WT1: variants seen among roughly 807,000 people sequenced by gnomAD.
WT1 encodes the protein WT1 transcription factor, also known as Wilms tumor protein.
A neutral mutation model predicts 60.8 loss-of-function variants in WT1; 8 were observed. That is an observed-to-expected ratio of 0.13 (90% CI 0.08 to 0.24). The LOEUF is 0.24. Ranked by LOEUF, WT1 falls within the 10% of genes least tolerant of loss-of-function variation. The pLI, the probability that WT1 is intolerant of heterozygous loss-of-function variation, is 1.00. For missense variants in WT1, 568 were observed against 711.8 expected (o/e 0.80, Z 2.30); for synonymous variants, 312 against 297.1 (o/e 1.05, Z -0.52).
At chr11:32,423,995 T>C (rs944076162) in intron 3 of WT1, among the ~76,000 whole-genome samples, 1 of 151,994 alleles carries the variant, frequency 6.6e-6, no homozygotes, top group African/African-American at 2.4e-5. Context: ...ACCCCCTCTC[T>C]ACTAAAAATA....
chr11:32,404,185 G>T (rs909706315), intron 5 of WT1, among the ~76,000 whole-genome samples: 1 of 148,454 alleles, frequency 6.7e-6, no homozygotes, highest in Admixed American at 6.8e-5. Context: ...CAGGAGAATC[G>T]CTTGAACCCG....
At chr11:32,434,232 C>T (rs1853407531) in intron 1 of WT1, among the ~76,000 whole-genome samples, 1 of 152,242 alleles carries the variant, frequency 6.6e-6, no homozygotes, top group Non-Finnish European at 1.5e-5. Context: ...TTTAGCGCTG[C>T]GGAGGCAGCA....
intron 6 of WT1, among the ~76,000 whole-genome samples, chr11:32,396,694 A>C (rs527255474): frequency 2.6e-5 from 4 of 152,182 alleles, no homozygotes; most frequent in Non-Finnish European, 4.4e-5. Context: ...CTGCAAAAGA[A>C]ATGCTGGTAC....
intron 5 of WT1, among the ~76,000 whole-genome samples, chr11:32,408,213 G>GGA (rs1554942037): frequency 9.3e-6 from 1 of 107,998 alleles, no homozygotes. Context: ...CTCCATCTCA[G>GGA]AAAAAAAAAA....
intron 5 of WT1, among the ~76,000 whole-genome samples, chr11:32,414,029 A>G (rs1295282421): frequency 6.6e-6 from 1 of 152,242 alleles, no homozygotes; most frequent in Non-Finnish European, 1.5e-5. Context: ...CTCACACGGC[A>G]CCCAATACTG....
At chr11:32,417,440 G>A in intron 4 of WT1, 137 bp downstream of exon 4, 1 of 774,694 alleles carries the variant, frequency 1.3e-6, no homozygotes, top group East Asian at 2.7e-5. Context: ...GGGGAAGGAG[G>A]AAAGCGTTCT....
Position 32,416,405 on chromosome 11 carries a change from G to A in WT1, c.1016+85C>T, listed in dbSNP as rs987592675. The A allele has an allele frequency of 1.3e-4, 208 of 1,552,048 alleles. 1 individual carries two copies. The highest frequency in any genetic ancestry group is 9.3e-4 in the South Asian group (84 of 89,870). On this transcript the variant is annotated intron_variant, in intron 5 of 9. Transcript: ENST00000452863. ...ACCAAATGCTACCCTGATTACCCAC[G>A]TCAGTCCTAACTCCTGCATTGCCCC...
At chr11:32,409,415 A>G (rs968596226) in intron 5 of WT1, among the ~76,000 whole-genome samples, 14 of 152,174 alleles carry the variant, frequency 9.2e-5, no homozygotes, top group African/African-American at 3.4e-4. Flanking sequence ...AAATATTTTC[A>G]TTACATATGA....
intron 5 of WT1, among the ~76,000 whole-genome samples, chr11:32,413,265 A>G (rs925158434): frequency 6.6e-6 from 1 of 152,242 alleles, no homozygotes; most frequent in Non-Finnish European, 1.5e-5. Context: ...CAACCTTGTC[A>G]CATGATTTTT....
chr11:32,401,742 G>T (rs1355372694), intron 5 of WT1, among the ~76,000 whole-genome samples: 5 of 152,104 alleles, frequency 3.3e-5, no homozygotes, highest in African/African-American at 1.2e-4. Context: ...GTTTCACCAT[G>T]TTGGCCAGGC....
intron 1 of WT1, chr11:32,430,869 G>C: frequency 2.5e-6 from 3 of 1,206,194 alleles, no homozygotes; most frequent in Non-Finnish European, 3.1e-6. Flanking sequence ...ACACGGGTTT[G>C]ATTAGAGCGC....
Position 32,430,697 on chromosome 11 carries a change from C to T in WT1, c.662-2078G>A. On this transcript the variant is annotated intron_variant, in intron 1 of 9. Transcript: ENST00000452863. The stretch of plus-strand genomic sequence containing the variant: ...CCCAGAACTCGGGCCCAAGGATGCC[C>T]GTGGCCCGCGAGCCCTCCTAGGCCT... 6 of 1,419,916 alleles carry T rather than the reference C, an allele frequency of 4.2e-6. No individual in the cohort carries two copies. In the South Asian group the frequency reaches 6.4e-5, roughly 15 times the overall value. 88.0% of individuals were successfully genotyped at this position (1,419,916 alleles called of 1,614,324 possible).
At chr11:32,430,214 T>C (rs1289769377) in intron 1 of WT1, among the ~76,000 whole-genome samples, 1 of 152,012 alleles carries the variant, frequency 6.6e-6, no homozygotes, top group East Asian at 1.9e-4. Flanking sequence ...TCCTGCTAAG[T>C]GGGCAAAGAT....
chr11:32,426,607 A>G (rs1590391095), intron 3 of WT1, among the ~76,000 whole-genome samples: 1 of 151,714 alleles, frequency 6.6e-6, no homozygotes, highest in Non-Finnish European at 1.5e-5. Context: ...GTTCTTGCCC[A>G]CCGCCTGCCT....
At chr11:32,392,538 G>A in intron 8 of WT1, 128 bp downstream of exon 8, 1 of 919,286 alleles carries the variant, frequency 1.1e-6, no homozygotes, top group Non-Finnish European at 1.8e-6. Flanking sequence ...AGATTATGGG[G>A]GGAAAATACT....
chr11:32,409,984 T>C (rs1852445039), intron 5 of WT1, among the ~76,000 whole-genome samples: 2 of 152,188 alleles, frequency 1.3e-5, no homozygotes, highest in African/African-American at 4.8e-5. Flanking sequence ...TGGAGTGCAG[T>C]GGCACGATCT....
At chr11:32,423,013 A>G (rs1487875145) in intron 3 of WT1, among the ~76,000 whole-genome samples, 1 of 152,234 alleles carries the variant, frequency 6.6e-6, no homozygotes, top group Non-Finnish European at 1.5e-5. Context: ...GGTATAGTCA[A>G]GGACTGGGGT....
intron 3 of WT1, among the ~76,000 whole-genome samples, chr11:32,419,372 A>G (rs1564988806): frequency 1.3e-5 from 2 of 152,198 alleles, no homozygotes; most frequent in African/African-American, 4.8e-5. Flanking sequence ...GCCAACAGGC[A>G]TTGTATTCCC....
In WT1 at chr11:32,404,282, A is replaced by G. The variant is rs552711401; in HGVS notation, c.1017-4238T>C. Reference sequence around the variant, plus strand: ...AGACTCTGTCTCAAAAAAAAAAAAAAAAAAAAAGATTTCAAACAGTTTTCA... The same window carrying G: ...AGACTCTGTCTCAAAAAAAAAAAAAGAAAAAAAGATTTCAAACAGTTTTCA... On this transcript the variant is annotated intron_variant, in intron 5 of 9. Coordinates refer to ENST00000452863, the MANE Select transcript of WT1 (RefSeq NM_024426.6). Among the ~76,000 whole-genome samples the G allele has an allele frequency of 5.5e-3, 836 of 152,054 alleles. 12 individuals carry two copies. The highest frequency in any genetic ancestry group is 8.4e-3 in the Non-Finnish European group (569 of 67,992).
Sources: allele counts gnomAD v4.1 joint callset (sites outside exome capture counted in the v4.1 genomes callset), GRCh38; gene constraint gnomAD v4.1.1; transcripts MANE v1.5; gene names NCBI Gene and HGNC (gene_info 2026-07-23, HGNC 2026-07-21).